The following CRTAC1 variants were observed in gnomAD, a reference collection of about 807,000 sequenced individuals.
CRTAC1 encodes the protein acidic secreted protein in cartilage.
A neutral mutation model predicts 67.8 loss-of-function variants in CRTAC1; 37 were observed. The ratio of observed to expected loss-of-function variants is 0.55; its 90% CI spans 0.42 to 0.72. The LOEUF (loss-of-function observed/expected upper bound fraction) is 0.72. Ranked by LOEUF, CRTAC1 falls within the 30% of genes least tolerant of loss-of-function variation. CRTAC1 has a pLI of 0.00. For missense variants in CRTAC1, 780 were observed against 931.6 expected, an observed-to-expected ratio of 0.84 and a Z score of 2.12; for synonymous variants, 348 against 371.0, an observed-to-expected ratio of 0.94 and a Z score of 0.71.
At chr10:97,990,413 C>T (rs1387968909) in intron 2 of CRTAC1, among the ~76,000 whole-genome samples, 1 of 152,204 alleles carries the variant, frequency 6.6e-6, no homozygotes, top group Non-Finnish European at 1.5e-5. Context: ...AACTGTGACA[C>T]TTACATTTTA....
At chr10:98,001,597 T>C (rs4919167) in intron 2 of CRTAC1, among the ~76,000 whole-genome samples, 16,374 of 152,140 alleles carry the variant, frequency 0.11, 921 homozygotes, top group South Asian at 0.16. Flanking sequence ...GCATCTCATA[T>C]GAACTGCATG....
At chr10:97,998,831 T>C (rs1180306528) in intron 2 of CRTAC1, among the ~76,000 whole-genome samples, 10 of 151,896 alleles carry the variant, frequency 6.6e-5, no homozygotes, top group East Asian at 1.9e-4. Flanking sequence ...ATGCCAAGAG[T>C]AGGGGTTCAG....
At chr10:97,898,781 A>C (rs1257378443) in intron 8 of CRTAC1, among the ~76,000 whole-genome samples, 1 of 152,162 alleles carries the variant, frequency 6.6e-6, no homozygotes, top group Admixed American at 6.5e-5. Flanking sequence ...TGGAGAGTGA[A>C]GAGCAGGTTG....
intron 2 of CRTAC1, among the ~76,000 whole-genome samples, chr10:98,002,393 G>A (rs1842707081): frequency 6.6e-6 from 1 of 151,916 alleles, no homozygotes; most frequent in African/African-American, 2.4e-5. Context: ...AAACAAATAA[G>A]CCTAAAACTA....
intron 3 of CRTAC1, among the ~76,000 whole-genome samples, chr10:97,924,540 G>A (rs1011302835): frequency 2.6e-5 from 4 of 152,204 alleles, no homozygotes; most frequent in Non-Finnish European, 5.9e-5. Context: ...TGGAGCCCCA[G>A]TGTTGGTTCT....
At chr10:97,884,430 C>G in intron 11 of CRTAC1, 79 bp from the exon 12 acceptor site, 1 of 1,303,246 alleles carries the variant, frequency 7.7e-7, no homozygotes, top group Non-Finnish European at 1.1e-6. Flanking sequence ...TCAACTAATT[C>G]ATCCATTGAA....
intron 1 of CRTAC1, among the ~76,000 whole-genome samples, chr10:98,016,890 A>T (rs983267880): frequency 1.4e-5 from 2 of 147,140 alleles, no homozygotes; most frequent in Non-Finnish European, 3.0e-5. Flanking sequence ...GAGGGGGGAT[A>T]TAAAGTTTTG....
At position 97,937,254 on chromosome 10, in the gene CRTAC1, G is replaced by A. The variant is rs550735422; in HGVS notation, c.225-888C>T. ...GCACTTGCTGTTCTCTGCCCAGGATGCTGTTCCTCCAGACATCCACACCGC... is the reference window on the plus strand; with the variant it reads ...GCACTTGCTGTTCTCTGCCCAGGATACTGTTCCTCCAGACATCCACACCGC... On this transcript the variant is annotated intron_variant, in intron 2 of 14. Coordinates refer to ENST00000370597, the MANE Select transcript of CRTAC1 (RefSeq NM_018058.7). Among the ~76,000 whole-genome samples, 10 of 152,226 alleles carry A rather than the reference G, an allele frequency of 6.6e-5. No individual in the cohort carries two copies. The East Asian group carries it at 1.9e-3, about 29-fold the overall frequency.
At chr10:97,947,789 C>T (rs112853483) in intron 2 of CRTAC1, among the ~76,000 whole-genome samples, 153 of 152,268 alleles carry the variant, frequency 1.0e-3, no homozygotes, top group African/African-American at 3.5e-3. Context: ...TATGGTGGCT[C>T]ATGCCTGTAA....
At chr10:98,016,632 C>T (rs976236133) in intron 1 of CRTAC1, among the ~76,000 whole-genome samples, 2 of 152,130 alleles carry the variant, frequency 1.3e-5, no homozygotes, top group Non-Finnish European at 2.9e-5. Flanking sequence ...ATGCCACCAC[C>T]CAGGTCCCTT....
intron 4 of CRTAC1, among the ~76,000 whole-genome samples, chr10:97,918,784 TG>T (rs1227772307): frequency 8.4e-6 from 1 of 118,834 alleles, no homozygotes; most frequent in Non-Finnish European, 1.8e-5. Context: ...GTGGGTTTTT[TG>T]GTGTTTTTTG....
At chr10:97,891,333 C>G (rs1043096324) in intron 11 of CRTAC1, among the ~76,000 whole-genome samples, 1 of 152,214 alleles carries the variant, frequency 6.6e-6, no homozygotes, top group African/African-American at 2.4e-5. Context: ...TTGGACTGGA[C>G]CTTCCCACTT....
chr10:98,030,524 G>T lies in CRTAC1; in HGVS notation c.-52C>A, dbSNP rs1406473675. 3 of 1,196,586 alleles carry T rather than the reference G, an allele frequency of 2.5e-6. No homozygotes were observed. Among genetic ancestry groups the T allele is most frequent in the African/African-American group, 1.6e-5 (1 of 63,254 alleles). 74.1% of individuals were successfully genotyped at this position (1,196,586 alleles called of 1,614,324 possible). A position where few individuals can be genotyped will look rare whatever the true frequency, so the allele number is the denominator to read the frequency against. On this transcript the variant is annotated 5_prime_UTR_variant, in exon 1 of 15. Coordinates refer to ENST00000370597, the MANE Select transcript of CRTAC1 (RefSeq NM_018058.7). The surrounding 1 kb of genome is among the most constrained non-coding windows in gnomAD (Gnocchi z 4.2). The stretch of plus-strand genomic sequence containing the variant: ...GGGGCGTGGGAAGCGGGCGCTCGCT[G>T]CCGCCTCTGCCGCCGGCGCCGCCGC...
chr10:97,914,886 C>T (rs1351630812), intron 5 of CRTAC1, among the ~76,000 whole-genome samples: 1 of 152,180 alleles, frequency 6.6e-6, no homozygotes, highest in Non-Finnish European at 1.5e-5. Flanking sequence ...TGGCCACCCT[C>T]CCGGGGCCCT....
chr10:97,944,432 C>CA (rs112843013), intron 2 of CRTAC1, among the ~76,000 whole-genome samples: 9,955 of 136,060 alleles, frequency 0.073, 988 homozygotes, highest in African/African-American at 0.23. Context: ...AACTCCATCT[C>CA]AAAAAAAAAA....
At chr10:97,872,287 A>G (rs915541691) in intron 14 of CRTAC1, among the ~76,000 whole-genome samples, 2 of 152,288 alleles carry the variant, frequency 1.3e-5, no homozygotes, top group South Asian at 4.1e-4. Flanking sequence ...TACCATGCAG[A>G]TAGGCAGTGG....
intron 11 of CRTAC1, among the ~76,000 whole-genome samples, chr10:97,891,255 T>G (rs1273999857): frequency 3.9e-5 from 6 of 152,244 alleles, no homozygotes; most frequent in Non-Finnish European, 7.3e-5. Flanking sequence ...AGTTTTCTTA[T>G]TTTCCTATAA....
At chr10:97,937,199 C>T (rs2051103703) in intron 2 of CRTAC1, among the ~76,000 whole-genome samples, 1 of 152,190 alleles carries the variant, frequency 6.6e-6, no homozygotes, top group Admixed American at 6.5e-5. Context: ...TGCACTGAAG[C>T]CCCAGGCACT....
chr10:97,999,353 C>T (rs1842644825), intron 2 of CRTAC1, among the ~76,000 whole-genome samples: 1 of 152,268 alleles, frequency 6.6e-6, no homozygotes, highest in Non-Finnish European at 1.5e-5. Flanking sequence ...CTTCTCCCTG[C>T]TGTTGGCACC....
Sources: allele counts gnomAD v4.1 joint callset (sites outside exome capture counted in the v4.1 genomes callset), GRCh38; gene constraint gnomAD v4.1.1; non-coding constraint Gnocchi (gnomAD v3.1); transcripts MANE v1.5; gene names NCBI Gene and HGNC (gene_info 2026-07-23, HGNC 2026-07-21).